ZNF695: variants seen among roughly 807,000 people sequenced by gnomAD.
ZNF695 encodes zinc finger protein SBZF3.
A neutral mutation model predicts 11.2 loss-of-function variants in ZNF695; 11 were observed. That is an observed-to-expected ratio of 0.98 (90% confidence interval 0.62 to 1.62). The LOEUF (loss-of-function observed/expected upper bound fraction) is 1.62. Ranked by LOEUF, ZNF695 falls within the 40% of genes most tolerant of loss-of-function variation. ZNF695 has a pLI of 0.00. For missense variants in ZNF695, 559 were observed against 590.5 expected, an observed-to-expected ratio of 0.95 and a Z score of 0.55; for synonymous variants, 190 against 201.4, an observed-to-expected ratio of 0.94 and a Z score of 0.48.
At chr1:246,976,654 C>T (rs1157404306) in intron 4 of ZNF695, among the ~76,000 whole-genome samples, 3 of 151,732 alleles carry the variant, frequency 2.0e-5, no homozygotes, top group African/African-American at 7.3e-5. Flanking sequence ...ATTAGCCAGG[C>T]ATGGTGGCGG....
intron 1 of ZNF695, 105 bp downstream of exon 1, chr1:247,007,801 C>A (rs1183680413): frequency 2.9e-6 from 4 of 1,369,988 alleles, no homozygotes; most frequent in Non-Finnish European, 3.9e-6. Context: ...CACTCCGGAG[C>A]CGACCGCCGG....
rs200143022 is a variant in ZNF695 at position 246,950,650 on chromosome 1, CAAAAAAAAAA to C, written c.489-4833_489-4824del. On this transcript the variant is annotated intron_variant, in intron 5 of 5. Transcript: ENST00000487338. ...AGGGCAACAGAGCGAAACTCCGTTTCAAAAAAAAAAAAAAAAAAAAAAAAAAATCCACCCA... is the reference window on the plus strand; with the variant it reads ...AGGGCAACAGAGCGAAACTCCGTTTCAAAAAAAAAAAAAAAAATCCACCCA... Among the ~76,000 whole-genome samples the C allele has an allele frequency of 3.9e-4, 41 of 105,372 alleles. 1 individual carries two copies. The highest frequency in any genetic ancestry group is 1.7e-3 in the Admixed American group (17 of 9,788). 69.1% of individuals were successfully genotyped at this position (105,372 alleles called of 152,430 possible).
chr1:246,970,021 G>C (rs1386723464), intron 4 of ZNF695, among the ~76,000 whole-genome samples: 1 of 152,186 alleles, frequency 6.6e-6, no homozygotes, highest in African/African-American at 2.4e-5. Context: ...TAAAGTTAGA[G>C]ATACTTAAAG....
At chr1:246,999,858 CA>C in intron 2 of ZNF695, 53 bp downstream of exon 2, 1 of 1,566,902 alleles carries the variant, frequency 6.4e-7, no homozygotes, top group Non-Finnish European at 8.7e-7. Flanking sequence ...CTCATTCATG[CA>C]AATCAGAAAC....
chr1:246,976,710 C>T (rs562831974), intron 4 of ZNF695, among the ~76,000 whole-genome samples: 32 of 152,138 alleles, frequency 2.1e-4, no homozygotes, highest in East Asian at 5.8e-4. Context: ...AGAAGAATGG[C>T]ATGAACCCGG....
intron 5 of ZNF695, among the ~76,000 whole-genome samples, chr1:246,957,681 G>A (rs1288052539): frequency 2.0e-5 from 3 of 152,062 alleles, no homozygotes; most frequent in African/African-American, 7.2e-5. Flanking sequence ...GCTTGCCCAG[G>A]CTGGAGTGCA....
chr1:246,989,746 A>G (rs940846284), intron 3 of ZNF695, among the ~76,000 whole-genome samples: 6 of 152,160 alleles, frequency 3.9e-5, no homozygotes, highest in Non-Finnish European at 4.4e-5. Flanking sequence ...GGCCAGGTGC[A>G]GTGGCTCACA....
chr1:246,951,381 C>T (rs1046146749), intron 5 of ZNF695, among the ~76,000 whole-genome samples: 1 of 152,122 alleles, frequency 6.6e-6, no homozygotes, highest in Non-Finnish European at 1.5e-5. Context: ...ATGGCCACGT[C>T]GAAGGTGGTG....
At position 246,986,634 on chromosome 1, in the gene ZNF695, A is replaced by T; in HGVS notation, c.*333T>A. The T allele has an allele frequency of 9.7e-7, 1 of 1,030,712 alleles. No homozygotes were observed. The allele number at this position is 1,030,712 out of a possible 1,614,324, so 63.8% of individuals were successfully genotyped here. ...GTTTTCTGAGGTATATTTTTTGAAC[A>T]AATGTTGTTTCTGCATTTATTACAT... On this transcript the variant is annotated 3_prime_UTR_variant, in exon 4 of 4. Transcript: ENST00000339986.
At chr1:246,949,877 A>G (rs954941559) in intron 5 of ZNF695, among the ~76,000 whole-genome samples, 3 of 152,222 alleles carry the variant, frequency 2.0e-5, no homozygotes, top group Admixed American at 6.5e-5. Flanking sequence ...TGTGTCTTTA[A>G]ATATAATCGT....
At chr1:246,983,279 G>T (rs1668761510), downstream of ZNF695, among the ~76,000 whole-genome samples, 1 of 152,126 alleles carries the variant, frequency 6.6e-6, no homozygotes, top group Non-Finnish European at 1.5e-5. Context: ...AGCACTTTGG[G>T]AGGCTGAGGT....
intron 4 of ZNF695, among the ~76,000 whole-genome samples, chr1:246,977,988 T>TA (rs1217469363): frequency 2.6e-5 from 4 of 152,246 alleles, no homozygotes; most frequent in African/African-American, 9.6e-5. Context: ...GGAATGTTAT[T>TA]AAAAACCAGT....
At chr1:246,975,411 C>T (rs144485684) in intron 4 of ZNF695, among the ~76,000 whole-genome samples, 330 of 152,282 alleles carry the variant, frequency 2.2e-3, no homozygotes, top group African/African-American at 6.7e-3. Context: ...AATATGCAAT[C>T]TATATAAATC....
At chr1:246,991,568 A>G in intron 3 of ZNF695, among the ~76,000 whole-genome samples, 1 of 152,182 alleles carries the variant, frequency 6.6e-6, no homozygotes, top group East Asian at 1.9e-4. Context: ...TCAAAACTAC[A>G]ATGAGATATC....
intron 5 of ZNF695, among the ~76,000 whole-genome samples, chr1:246,947,118 C>T (rs1428756530): frequency 4.2e-5 from 5 of 119,910 alleles, no homozygotes; most frequent in Admixed American, 9.9e-5. Context: ...CCAGCCTGGG[C>T]GACAAAGCGA....
chr1:246,948,509 G>A (rs1451660843), intron 5 of ZNF695, among the ~76,000 whole-genome samples: 2 of 152,172 alleles, frequency 1.3e-5, no homozygotes, highest in African/African-American at 2.4e-5. Flanking sequence ...TAACTTGGCT[G>A]ACTTTTTTTC....
downstream of ZNF695, among the ~76,000 whole-genome samples, chr1:246,984,327 T>C (rs1572523337): frequency 7.0e-6 from 1 of 143,828 alleles, no homozygotes. Context: ...GCATAAGTAG[T>C]TGAGAAGAAA....
intron 3 of ZNF695, among the ~76,000 whole-genome samples, chr1:246,990,000 TGAAAGGGA>T (rs1291935137): frequency 2.1e-5 from 2 of 96,272 alleles, no homozygotes; most frequent in African/African-American, 7.6e-5. Flanking sequence ...GACCCCATCT[TGAAAGGGA>T]GAAAGGGAGA....
chr1:246,955,985 A>ATT (rs74163714), intron 5 of ZNF695, among the ~76,000 whole-genome samples: 77 of 132,040 alleles, frequency 5.8e-4, no homozygotes, highest in African/African-American at 1.4e-3. Flanking sequence ...TTTGGATTGG[A>ATT]TTTTTTTTTT....
Sources: allele counts gnomAD v4.1 joint callset (sites outside exome capture counted in the v4.1 genomes callset), GRCh38; gene constraint gnomAD v4.1.1; transcripts MANE v1.5; gene names NCBI Gene and HGNC (gene_info 2026-07-23, HGNC 2026-07-21).